RALYL: variants seen among roughly 807,000 people sequenced by gnomAD.
RALYL encodes RALY RNA binding protein like.
A neutral mutation model predicts 35.1 loss-of-function variants in RALYL; 29 were observed. That is an observed-to-expected ratio of 0.83 (90% CI 0.61 to 1.13). The LOEUF (loss-of-function observed/expected upper bound fraction) is 1.13. Ranked by LOEUF, RALYL falls within the 50% of genes most tolerant of loss-of-function variation. The pLI is 0.00. For missense variants in RALYL, 359 were observed against 360.4 expected (o/e 1.00, Z 0.03); for synonymous variants, 120 against 127.6 (o/e 0.94, Z 0.40).
chr8:84,338,745 T>A, intron 1 of RALYL, among the ~76,000 whole-genome samples: 1 of 152,106 alleles, frequency 6.6e-6, no homozygotes, highest in East Asian at 1.9e-4. Context: ...TAACACATTG[T>A]CTGACATAGT....
At chr8:84,292,539 A>C (rs1353687308) in intron 1 of RALYL, among the ~76,000 whole-genome samples, 1 of 152,096 alleles carries the variant, frequency 6.6e-6, no homozygotes, top group African/African-American at 2.4e-5. Flanking sequence ...TCACAGGATG[A>C]GATAGGAGGT....
intron 1 of RALYL, among the ~76,000 whole-genome samples, chr8:84,298,416 T>C (rs1840172214): frequency 1.3e-5 from 2 of 151,684 alleles, no homozygotes; most frequent in Admixed American, 6.6e-5. Context: ...TGCCATTGTC[T>C]ATTGTGTTTG....
chr8:84,388,081 G>T (rs1259973328), intron 1 of RALYL, among the ~76,000 whole-genome samples: 1 of 152,010 alleles, frequency 6.6e-6, no homozygotes, highest in Non-Finnish European at 1.5e-5. Flanking sequence ...CTATGAGTGA[G>T]AATATGTGGT....
chr8:84,297,199 C>T (rs1012268870), intron 1 of RALYL, among the ~76,000 whole-genome samples: 1 of 151,908 alleles, frequency 6.6e-6, no homozygotes, highest in African/African-American at 2.4e-5. Context: ...CCTTCCTCTC[C>T]CTCCTCCCAC....
chr8:84,751,800 A>G (rs1810101355), intron 2 of RALYL, among the ~76,000 whole-genome samples: 2 of 152,286 alleles, frequency 1.3e-5, no homozygotes, highest in East Asian at 1.9e-4. Flanking sequence ...CCCAAGAAGC[A>G]CATGCCAGTA....
chr8:84,819,928 A>G (rs980147731), intron 4 of RALYL, among the ~76,000 whole-genome samples: 1 of 152,196 alleles, frequency 6.6e-6, no homozygotes, highest in Non-Finnish European at 1.5e-5. Context: ...ATCACAATTC[A>G]TATCAGTTTT....
chr8:84,308,216 A>C (rs1392474977), intron 1 of RALYL, among the ~76,000 whole-genome samples: 2 of 152,188 alleles, frequency 1.3e-5, no homozygotes, highest in Non-Finnish European at 2.9e-5. Flanking sequence ...ACTTACAAAA[A>C]TAATAAAATG....
At chr8:84,378,652 C>G (rs1857377882) in intron 1 of RALYL, among the ~76,000 whole-genome samples, 1 of 151,722 alleles carries the variant, frequency 6.6e-6, no homozygotes, top group Admixed American at 6.6e-5. Context: ...TAATACTGAA[C>G]AGAGTCTAGA....
intron 2 of RALYL, among the ~76,000 whole-genome samples, chr8:84,646,198 A>G (rs1827458514): frequency 6.6e-6 from 1 of 151,488 alleles, no homozygotes. Flanking sequence ...TAAAAATGTC[A>G]TTTACATTAC....
chr8:84,435,217 CTAGCCTACACAGATATTAGAATTCA>C (rs1461191720), intron 1 of RALYL, among the ~76,000 whole-genome samples: 1 of 152,124 alleles, frequency 6.6e-6, no homozygotes, highest in Non-Finnish European at 1.5e-5. Flanking sequence ...CCAGAGCTTA[CTAGCCTACACAGATATTAGAATTCA>C]TAGCTATATG....
intron 2 of RALYL, among the ~76,000 whole-genome samples, chr8:84,643,193 C>T (rs1182704408): frequency 1.3e-5 from 2 of 151,826 alleles, no homozygotes; most frequent in Non-Finnish European, 2.9e-5. Flanking sequence ...ACAGTCCCCC[C>T]ACCCCCAAAA....
At chr8:84,787,744 G>A (rs924623548) in intron 3 of RALYL, among the ~76,000 whole-genome samples, 3 of 152,162 alleles carry the variant, frequency 2.0e-5, no homozygotes, top group African/African-American at 4.8e-5. Context: ...TCTCATTGTG[G>A]TTTTGATTTG....
At chr8:84,208,517 G>T (rs555491238) in intron 1 of RALYL, among the ~76,000 whole-genome samples, 1 of 152,078 alleles carries the variant, frequency 6.6e-6, no homozygotes. Flanking sequence ...CGGAAGGAGC[G>T]TAAGCTTTCT....
intron 1 of RALYL, among the ~76,000 whole-genome samples, chr8:84,421,942 C>T (rs1204942994): frequency 7.2e-5 from 11 of 151,812 alleles, no homozygotes; most frequent in African/African-American, 1.2e-4. Flanking sequence ...CTGCTGGATT[C>T]GGTTTGCCAG....
chr8:84,571,245 G>A (rs1199071983), intron 2 of RALYL, among the ~76,000 whole-genome samples: 1 of 151,666 alleles, frequency 6.6e-6, no homozygotes, highest in South Asian at 2.1e-4. Flanking sequence ...CTGGTCCTGG[G>A]ATTCCTTTTG....
intron 1 of RALYL, among the ~76,000 whole-genome samples, chr8:84,416,332 G>A (rs1192562083): frequency 6.6e-6 from 1 of 152,186 alleles, no homozygotes; most frequent in South Asian, 2.1e-4. Flanking sequence ...ACTGTGGTGA[G>A]TGCAATAATC....
intron 2 of RALYL, among the ~76,000 whole-genome samples, chr8:84,695,993 C>G (rs757157456): frequency 6.6e-6 from 1 of 151,704 alleles, no homozygotes; most frequent in African/African-American, 2.4e-5. Flanking sequence ...AATACACTGT[C>G]AAAGGACCAC....
At chr8:84,539,854 GTA>G (rs1294869865) in intron 2 of RALYL, among the ~76,000 whole-genome samples, 468 of 24,184 alleles carry the variant, frequency 0.019, 5 homozygotes, top group Middle Eastern at 0.033. Flanking sequence ...ATATATATAT[GTA>G]TATATATATA....
intron 5 of RALYL, 104 bp from the exon 6 acceptor site, chr8:84,862,192 A>T: frequency 1.0e-6 from 1 of 969,164 alleles, no homozygotes; most frequent in South Asian, 2.5e-5. Flanking sequence ...GAAAGAAAAC[A>T]TTTATTGAAA....
Sources: gnomAD v4.1 joint callset for allele counts (sites outside exome capture counted in the v4.1 genomes callset) on GRCh38, gnomAD v4.1.1 for gene constraint, MANE v1.5 for transcripts, NCBI Gene and HGNC (gene_info 2026-07-23, HGNC 2026-07-21) for gene names.